The following ADISSP variants were observed in gnomAD, a reference collection of about 807,000 sequenced individuals.
The protein encoded by ADISSP is adipose secreted signaling protein, also known as adipose-secreted signaling protein.
chr20:3,758,822 G>T, the ADISSP span: 1 of 745,596 alleles, frequency 1.3e-6, no homozygotes, highest in Non-Finnish European at 2.1e-6. The surrounding 1 kb of genome is among the most constrained non-coding windows in gnomAD (Gnocchi z 5.5). Context: ...ATGGACACTA[G>T]GATCATGAGG....
the ADISSP span, among the ~76,000 whole-genome samples, chr20:3,760,757 C>G: frequency 6.6e-6 from 1 of 152,218 alleles, no homozygotes; most frequent in Non-Finnish European, 1.5e-5. Context: ...GGTGTGCCCC[C>G]ACCTGAACCC....
the ADISSP span, among the ~76,000 whole-genome samples, chr20:3,762,379 T>C: frequency 6.6e-6 from 1 of 152,034 alleles, no homozygotes; most frequent in Non-Finnish European, 1.5e-5. Context: ...TTGCTGCCTG[T>C]TGTGTTTTTG....
chr20:3,761,262 G>A, the ADISSP span, among the ~76,000 whole-genome samples: 1 of 152,122 alleles, frequency 6.6e-6, no homozygotes, highest in African/African-American at 2.4e-5. Context: ...TGCTAAACCA[G>A]AGGGGAAGGT....
chr20:3,764,651 G>A, the ADISSP span, among the ~76,000 whole-genome samples: 1 of 152,248 alleles, frequency 6.6e-6, no homozygotes, highest in African/African-American at 2.4e-5. Flanking sequence ...GGTAGTGACT[G>A]TGTTTTTGTC....
the ADISSP span, among the ~76,000 whole-genome samples, chr20:3,761,125 G>A: frequency 6.6e-6 from 1 of 152,164 alleles, no homozygotes; most frequent in South Asian, 2.1e-4. Context: ...AAATTGCCCT[G>A]GTGGTTGATG....
chr20:3,758,724 G>T, the ADISSP span: 2 of 1,597,218 alleles, frequency 1.3e-6, no homozygotes, highest in Non-Finnish European at 1.7e-6. This position sits in a 1 kb window ranked among gnomAD's most constrained non-coding sequence, Gnocchi z 5.5. Context: ...CTGTCCCCAG[G>T]AAACTCCTCC....
chr20:3,753,784 CCCTCTCCCTT>C, the ADISSP span: 4 of 525,682 alleles, frequency 7.6e-6, no homozygotes, highest in Admixed American at 6.8e-5. Context: ...CCCAGGCCCT[CCCTCTCCCTT>C]CCTCAGACAG....
At chr20:3,761,728 C>A in the ADISSP span, among the ~76,000 whole-genome samples, 1 of 152,196 alleles carries the variant, frequency 6.6e-6, no homozygotes, top group Non-Finnish European at 1.5e-5. Flanking sequence ...CTACTCTCTG[C>A]AGGACAGCCT....
chr20:3,762,363 G>T, the ADISSP span, among the ~76,000 whole-genome samples: 1 of 152,134 alleles, frequency 6.6e-6, no homozygotes, highest in Non-Finnish European at 1.5e-5. Context: ...ACAGCTGATG[G>T]TAAGGTTGCT....
the ADISSP span, chr20:3,760,100 T>C: frequency 6.2e-7 from 1 of 1,611,510 alleles, no homozygotes; most frequent in South Asian, 1.1e-5. Context: ...GCTGCAGCCA[T>C]GGACGCCCTC....
At chr20:3,758,710 T>C in the ADISSP span, 1 of 1,610,512 alleles carries the variant, frequency 6.2e-7, no homozygotes, top group Non-Finnish European at 8.5e-7. This position sits in a 1 kb window ranked among gnomAD's most constrained non-coding sequence, Gnocchi z 5.5. Flanking sequence ...TCTGAGGGCT[T>C]TCCCTGTCCC....
the ADISSP span, chr20:3,759,995 T>G: frequency 6.3e-7 from 1 of 1,598,844 alleles, no homozygotes. The surrounding 1 kb of genome is among the most constrained non-coding windows in gnomAD (Gnocchi z 4.6). Context: ...ACACAGGTGG[T>G]GCGGGCCCTA....
At chr20:3,761,182 A>G in the ADISSP span, among the ~76,000 whole-genome samples, 1 of 152,226 alleles carries the variant, frequency 6.6e-6, no homozygotes, top group Non-Finnish European at 1.5e-5. Context: ...ATAACAAAGA[A>G]ATGACCAAAT....
the ADISSP span, chr20:3,760,075 C>A: frequency 5.6e-6 from 9 of 1,609,958 alleles, no homozygotes; most frequent in African/African-American, 1.3e-5. Context: ...GCCAGGAAGG[C>A]ACTTACCCTT....
At chr20:3,763,071 C>T in the ADISSP span, among the ~76,000 whole-genome samples, 3 of 152,116 alleles carry the variant, frequency 2.0e-5, no homozygotes, top group Non-Finnish European at 2.9e-5. Context: ...GCCTGGCCAA[C>T]ATGGCGAAAC....
At chr20:3,760,200 A>G in the ADISSP span, 1 of 1,020,792 alleles carries the variant, frequency 9.8e-7, no homozygotes, top group African/African-American at 1.6e-5. Flanking sequence ...AAGGATAGGG[A>G]GTGGGGAGGG....
At chr20:3,759,546 C>T in the ADISSP span, among the ~76,000 whole-genome samples, 2 of 152,128 alleles carry the variant, frequency 1.3e-5, no homozygotes, top group South Asian at 4.1e-4. This position sits in a 1 kb window ranked among gnomAD's most constrained non-coding sequence, Gnocchi z 4.6. Flanking sequence ...GCCCAGGGTC[C>T]TCTTGGCGGG....
the ADISSP span, among the ~76,000 whole-genome samples, chr20:3,759,636 G>A: frequency 6.6e-6 from 1 of 152,054 alleles, no homozygotes; most frequent in Non-Finnish European, 1.5e-5. The surrounding 1 kb of genome is among the most constrained non-coding windows in gnomAD (Gnocchi z 4.6). Context: ...ACAATCCCTG[G>A]TGAGCCCCAC....
the ADISSP span, among the ~76,000 whole-genome samples, chr20:3,755,035 G>A: frequency 6.6e-6 from 1 of 152,208 alleles, no homozygotes; most frequent in South Asian, 2.1e-4. Flanking sequence ...TGGGAGTGGG[G>A]CATGGGGCAG....
Sources: gnomAD v4.1 joint callset for allele counts (sites outside exome capture counted in the v4.1 genomes callset) on GRCh38, gnomAD v4.1.1 for gene constraint, Gnocchi (gnomAD v3.1) non-coding constraint, MANE v1.5 for transcripts, NCBI Gene and HGNC (gene_info 2026-07-23, HGNC 2026-07-21) for gene names.